Variants in DCLK1 observed in about 807,000 individuals in gnomAD.
The protein encoded by DCLK1 is doublecortin like kinase 1, also known as serine/threonine-protein kinase DCLK1.
Under a neutral mutation model 86.2 loss-of-function variants are expected in DCLK1, and 16 were observed. The observed-to-expected ratio is 0.19, with a 90% CI of 0.13 to 0.28. DCLK1 has a LOEUF of 0.28. Ranked by LOEUF, DCLK1 falls within the 10% of genes least tolerant of loss-of-function variation. DCLK1 has a pLI of 1.00. For missense variants in DCLK1, 590 were observed against 940.2 expected (o/e 0.63, Z 4.87); for synonymous variants, 369 against 370.5 (o/e 1.00, Z 0.05).
intron 3 of DCLK1, among the ~76,000 whole-genome samples, chr13:36,105,223 T>C (rs923588853): frequency 1.3e-4 from 20 of 152,230 alleles, no homozygotes; most frequent in Non-Finnish European, 2.5e-4. Flanking sequence ...CATTTCCATG[T>C]GAAAAGCCAC....
At chr13:35,971,552 C>T (rs1471287626) in intron 3 of DCLK1, among the ~76,000 whole-genome samples, 5 of 152,072 alleles carry the variant, frequency 3.3e-5, no homozygotes, top group African/African-American at 1.2e-4. Flanking sequence ...CACCTGAGGT[C>T]GGGAGTTCGA....
At chr13:36,032,838 G>A (rs536565615) in intron 3 of DCLK1, among the ~76,000 whole-genome samples, 40 of 152,362 alleles carry the variant, frequency 2.6e-4, no homozygotes, top group African/African-American at 9.4e-4. Context: ...CGCAAATGCA[G>A]AGTGTAAACT....
intron 3 of DCLK1, among the ~76,000 whole-genome samples, chr13:36,093,464 T>G (rs1884906022): frequency 6.6e-6 from 1 of 152,186 alleles, no homozygotes; most frequent in African/African-American, 2.4e-5. Context: ...ACTTCCATGT[T>G]TTTAAATGAA....
At chr13:35,919,487 G>A in intron 4 of DCLK1, among the ~76,000 whole-genome samples, 1 of 152,146 alleles carries the variant, frequency 6.6e-6, no homozygotes, top group Admixed American at 6.5e-5. Context: ...TGCCAGTGGG[G>A]CTGCTCCGGC....
chr13:36,126,278 G>A lies in DCLK1; in HGVS notation c.-19-122C>T, dbSNP rs992929650. 9.1e-5 allele frequency: 70 copies of A among 773,376 alleles called. No homozygotes were observed. The East Asian group carries it at 2.1e-3, about 23-fold the overall frequency. The allele number at this position is 773,376 out of a possible 1,614,324, so 47.9% of individuals were successfully genotyped here. The stretch of plus-strand genomic sequence containing the variant: ...GGTCCTGCTCTGTCACCGGGCTGCA[G>A]TGAGATGGCACTCACTGAAGTACTC... On this transcript the variant is annotated intron_variant, in intron 1 of 16. Transcript: ENST00000360631.
chr13:35,850,180 GA>G (rs1593659553), intron 6 of DCLK1: 13 of 983,756 alleles, frequency 1.3e-5, no homozygotes, highest in Non-Finnish European at 1.6e-5. Context: ...TGTCTAGGGA[GA>G]AAAAAAATCT....
chr13:35,857,775 AG>A (rs931068159), intron 5 of DCLK1, among the ~76,000 whole-genome samples: 32 of 152,204 alleles, frequency 2.1e-4, no homozygotes, highest in Admixed American at 2.0e-4. Context: ...TGGTGAAGCA[AG>A]GGGGGCACAA....
At chr13:35,805,856 C>G (rs2153101991) in intron 14 of DCLK1, 77 bp from the exon 15 acceptor site, 1 of 1,326,406 alleles carries the variant, frequency 7.5e-7, no homozygotes, top group East Asian at 2.4e-5. Context: ...CAAGAGTTCT[C>G]TTTTAGTTTC....
intron 15 of DCLK1, among the ~76,000 whole-genome samples, chr13:35,798,507 C>T (rs764906481): frequency 2.0e-5 from 3 of 152,116 alleles, no homozygotes; most frequent in Non-Finnish European, 4.4e-5. Flanking sequence ...ATAGCAGTTC[C>T]GCTGCACCTC....
intron 3 of DCLK1, among the ~76,000 whole-genome samples, chr13:36,071,834 A>G (rs994293141): frequency 1.3e-5 from 2 of 152,164 alleles, no homozygotes; most frequent in African/African-American, 4.8e-5. Flanking sequence ...GGTTGTAGGG[A>G]AAAATCTTAC....
At chr13:36,025,267 T>C (rs148910939) in intron 3 of DCLK1, among the ~76,000 whole-genome samples, 36 of 152,272 alleles carry the variant, frequency 2.4e-4, no homozygotes, top group African/African-American at 8.2e-4. Context: ...TGTGCCCAGC[T>C]GGTCAATTGA....
intron 3 of DCLK1, among the ~76,000 whole-genome samples, chr13:36,000,826 T>C (rs1433874169): frequency 6.6e-6 from 1 of 152,196 alleles, no homozygotes; most frequent in Admixed American, 6.5e-5. Context: ...AGCACATAGG[T>C]GACATTCAAT....
At chr13:35,955,092 C>G (rs1170602339) in intron 3 of DCLK1, among the ~76,000 whole-genome samples, 1 of 152,104 alleles carries the variant, frequency 6.6e-6, no homozygotes, top group Non-Finnish European at 1.5e-5. Context: ...TACCCTCTGA[C>G]CCAGGAATGC....
In DCLK1 at chr13:36,032,505, A is replaced by C. The variant is rs1593834207; in HGVS notation, c.723+79364T>G. 1.3e-5 allele frequency among the ~76,000 whole-genome samples: 2 copies of C among 152,286 alleles called. 1 individual carries two copies. The highest frequency in any genetic ancestry group is 4.8e-5 in the African/African-American group (2 of 41,564). On this transcript the variant is annotated intron_variant, in intron 3 of 16. Transcript: ENST00000360631. ...GTAATCATAGTGAAATAAATTTGAG[A>C]TTCATGCCATGCCATTCGGTTTGGC...
chr13:36,013,920 T>C (rs1327162267), intron 3 of DCLK1, among the ~76,000 whole-genome samples: 1 of 152,218 alleles, frequency 6.6e-6, no homozygotes, highest in Non-Finnish European at 1.5e-5. Flanking sequence ...GTGTGGGATA[T>C]AATCTCGTGG....
intron 3 of DCLK1, among the ~76,000 whole-genome samples, chr13:36,050,924 G>T (rs1439565139): frequency 6.6e-6 from 1 of 152,106 alleles, no homozygotes; most frequent in Non-Finnish European, 1.5e-5. Flanking sequence ...AGTAGGTCAT[G>T]TAAAAAACAT....
intron 4 of DCLK1, among the ~76,000 whole-genome samples, chr13:35,886,695 C>G (rs536786721): frequency 7.9e-5 from 12 of 152,278 alleles, no homozygotes; most frequent in African/African-American, 2.9e-4. Context: ...TAAATTCTTT[C>G]CTTTTTATCA....
intron 4 of DCLK1, among the ~76,000 whole-genome samples, chr13:35,940,125 G>A (rs1227718474): frequency 6.6e-6 from 1 of 151,996 alleles, no homozygotes; most frequent in Non-Finnish European, 1.5e-5. Flanking sequence ...GGAGGATGAG[G>A]CAGGAGAATC....
chr13:35,841,406 G>C (rs1869782478), intron 6 of DCLK1, among the ~76,000 whole-genome samples: 1 of 152,000 alleles, frequency 6.6e-6, no homozygotes, highest in African/African-American at 2.4e-5. Flanking sequence ...ATCAACTAAT[G>C]AATTGGATTT....
Sources: allele counts gnomAD v4.1 joint callset (sites outside exome capture counted in the v4.1 genomes callset), GRCh38; gene constraint gnomAD v4.1.1; transcripts MANE v1.5; gene names NCBI Gene and HGNC (gene_info 2026-07-23, HGNC 2026-07-21).